The following GALNT14 variants were observed in gnomAD, a reference collection of about 807,000 sequenced individuals.
GALNT14 encodes UDP-GalNAc:polypeptide N-acetylgalactosaminyltransferase 14.
GALNT14 carries 60 observed loss-of-function variants against 77.5 expected under a neutral mutation model. The observed-to-expected ratio is 0.77, with a 90% CI of 0.63 to 0.96. GALNT14 has a LOEUF of 0.96. Ranked by LOEUF, GALNT14 falls within the 40% of genes least tolerant of loss-of-function variation. The probability of loss-of-function intolerance (pLI) is 0.00; values close to 1 mark genes in which losing one functional copy is unlikely to be tolerated. For missense variants in GALNT14, 710 were observed against 731.0 expected, an observed-to-expected ratio of 0.97 and a Z score of 0.33; for synonymous variants, 280 against 281.7, an observed-to-expected ratio of 0.99 and a Z score of 0.06.
chr2:31,058,781 A>AT (rs1461139970), intron 1 of GALNT14, among the ~76,000 whole-genome samples: 4 of 152,164 alleles, frequency 2.6e-5, no homozygotes, highest in South Asian at 4.2e-4. Flanking sequence ...TACACTACTT[A>AT]TTTTTTTTGG....
At chr2:31,126,169 T>G (rs1195266518) in intron 1 of GALNT14, among the ~76,000 whole-genome samples, 1 of 152,218 alleles carries the variant, frequency 6.6e-6, no homozygotes, top group Non-Finnish European at 1.5e-5. Flanking sequence ...CTGAAAGAGA[T>G]AGCTTCTGAT....
intron 1 of GALNT14, among the ~76,000 whole-genome samples, chr2:31,131,243 C>T (rs1027476234): frequency 1.1e-4 from 17 of 152,208 alleles, no homozygotes; most frequent in African/African-American, 1.4e-4. Context: ...CTATCTCCTG[C>T]CGCTTGTGTG....
At chr2:30,912,081 A>G in intron 14 of GALNT14, 142 bp downstream of exon 14, 1 of 1,010,842 alleles carries the variant, frequency 9.9e-7, no homozygotes, top group Non-Finnish European at 1.5e-6. Context: ...CCCAGGCAGC[A>G]CTTTCCCTCC....
chr2:31,123,358 T>C (rs1160003171), intron 1 of GALNT14, among the ~76,000 whole-genome samples: 1 of 152,048 alleles, frequency 6.6e-6, no homozygotes, highest in Non-Finnish European at 1.5e-5. Flanking sequence ...AAAGTAGGGG[T>C]TGCAGTTGAT....
At chr2:31,095,918 C>T (rs776305097) in intron 1 of GALNT14, among the ~76,000 whole-genome samples, 1 of 152,110 alleles carries the variant, frequency 6.6e-6, no homozygotes, top group Non-Finnish European at 1.5e-5. Flanking sequence ...CTAGATTAGG[C>T]CCATATCCAA....
At position 30,966,149 on chromosome 2, in the gene GALNT14, A is replaced by T. The variant is rs1667989939; in HGVS notation, c.398+55T>A. The T allele has an allele frequency of 5.0e-6, 7 of 1,405,386 alleles. No homozygotes were observed. In the East Asian group the frequency reaches 1.6e-4, roughly 32 times the overall value. The allele number at this position is 1,405,386 out of a possible 1,614,324, so 87.1% of individuals were successfully genotyped here. A position where few individuals can be genotyped will look rare whatever the true frequency, so the allele number is the denominator to read the frequency against. On this transcript the variant is annotated intron_variant, in intron 3 of 14. Coordinates refer to ENST00000349752, the MANE Select transcript of GALNT14 (RefSeq NM_024572.4). ...CGCTGGGCACCTGGGGAGCAGACAC[A>T]CTGTCACCAAGTGCTGGCCCAGAGC...
intron 1 of GALNT14, chr2:31,132,645 T>G (rs1157988442): frequency 1.1e-5 from 5 of 459,502 alleles, no homozygotes; most frequent in Non-Finnish European, 2.3e-5. Flanking sequence ...AGACTCCATC[T>G]TGCTTCTAAC....
intron 9 of GALNT14, among the ~76,000 whole-genome samples, chr2:30,937,023 G>A (rs1666096482): frequency 6.6e-6 from 1 of 152,186 alleles, no homozygotes; most frequent in Non-Finnish European, 1.5e-5. Flanking sequence ...GCTCAGACAA[G>A]GAACAAAGTG....
At chr2:31,078,839 G>C in intron 1 of GALNT14, 1 of 1,111,728 alleles carries the variant, frequency 9.0e-7, no homozygotes, top group Non-Finnish European at 1.2e-6. Context: ...ATATAGGCCT[G>C]GGAGAACCCA....
At chr2:30,948,666 C>A (rs1216334189) in intron 6 of GALNT14, among the ~76,000 whole-genome samples, 1 of 152,208 alleles carries the variant, frequency 6.6e-6, no homozygotes, top group Non-Finnish European at 1.5e-5. Context: ...TGCCTGGACT[C>A]TTCCTGTGCA....
At chr2:31,049,075 C>G (rs570190303) in intron 1 of GALNT14, among the ~76,000 whole-genome samples, 63 of 152,312 alleles carry the variant, frequency 4.1e-4, no homozygotes, top group African/African-American at 1.2e-3. Context: ...GCAAGTCCCT[C>G]GAGGTCCCGT....
At chr2:30,968,359 C>T (rs546765135) in intron 2 of GALNT14, among the ~76,000 whole-genome samples, 1 of 152,254 alleles carries the variant, frequency 6.6e-6, no homozygotes, top group Non-Finnish European at 1.5e-5. Context: ...TAGCCCCTCC[C>T]TCACTGAAGC....
intron 1 of GALNT14, among the ~76,000 whole-genome samples, chr2:31,093,508 C>A (rs538972196): frequency 1.3e-5 from 2 of 152,292 alleles, no homozygotes; most frequent in East Asian, 3.9e-4. Context: ...AGAGGAGAGG[C>A]CATGTCCCCT....
intron 1 of GALNT14, among the ~76,000 whole-genome samples, chr2:31,032,787 A>G (rs1672497261): frequency 1.3e-5 from 2 of 152,198 alleles, no homozygotes; most frequent in South Asian, 2.1e-4. Flanking sequence ...TGTGAAGAGT[A>G]GAAGATGTGA....
chr2:30,970,576 G>T (rs1668287245), intron 2 of GALNT14, among the ~76,000 whole-genome samples: 1 of 152,028 alleles, frequency 6.6e-6, no homozygotes, highest in South Asian at 2.1e-4. Context: ...AAAAGGAAAG[G>T]ACCATGGAGA....
rs1262031308 is a variant in GALNT14 at position 31,137,949 on chromosome 2, G to T, written c.129+9C>A. 6.2e-7 allele frequency: 1 copy of T among 1,607,684 alleles called. No homozygotes were observed. Among genetic ancestry groups the T allele is most frequent in the South Asian group, 1.1e-5 (1 of 90,404 alleles). On this transcript the variant is annotated intron_variant, in intron 1 of 14. Coordinates refer to ENST00000349752, the MANE Select transcript of GALNT14 (RefSeq NM_024572.4). ...CCGCTCAGCGCCAGCGCGCCGGCAA[G>T]CCGCCTACCTTAGGGGTCTGCACTT...
intron 3 of GALNT14, among the ~76,000 whole-genome samples, chr2:30,964,993 T>A (rs917108935): frequency 6.6e-5 from 10 of 152,134 alleles, no homozygotes; most frequent in African/African-American, 2.2e-4. Flanking sequence ...TTTTTCTCTG[T>A]GGCATCGGCA....
chr2:30,945,920 G>A, intron 6 of GALNT14, 50 bp from the exon 7 acceptor site: 1 of 1,528,570 alleles, frequency 6.5e-7, no homozygotes, highest in Middle Eastern at 1.7e-4. Flanking sequence ...GCCCAGCTGG[G>A]AGTCAGGGAG....
intron 1 of GALNT14, among the ~76,000 whole-genome samples, chr2:31,032,810 T>G (rs574187938): frequency 6.6e-6 from 1 of 152,284 alleles, no homozygotes; most frequent in Non-Finnish European, 1.5e-5. Flanking sequence ...TGCACACAGA[T>G]GCCAGGAAGC....
Sources: allele counts gnomAD v4.1 joint callset (sites outside exome capture counted in the v4.1 genomes callset), GRCh38; gene constraint gnomAD v4.1.1; transcripts MANE v1.5; gene names NCBI Gene and HGNC (gene_info 2026-07-23, HGNC 2026-07-21).